OSBPL1A: variants seen among roughly 807,000 people sequenced by gnomAD.
OSBPL1A encodes the protein oxysterol-binding protein-related protein 1.
A neutral mutation model predicts 137.1 loss-of-function variants in OSBPL1A; 80 were observed. The ratio of observed to expected loss-of-function variants is 0.58; its 90% CI spans 0.49 to 0.70. The LOEUF (loss-of-function observed/expected upper bound fraction) is 0.70. Among genes scored for constraint, OSBPL1A ranks in the 30% least tolerant of loss-of-function variants. The probability of loss-of-function intolerance (pLI) is 0.00; values close to 1 mark genes in which losing one functional copy is unlikely to be tolerated. For missense variants in OSBPL1A, 970 were observed against 1,129.4 expected, an observed-to-expected ratio of 0.86 and a Z score of 2.02; for synonymous variants, 365 against 389.7, an observed-to-expected ratio of 0.94 and a Z score of 0.75.
chr18:24,356,863 C>T (rs1030282031), intron 4 of OSBPL1A, among the ~76,000 whole-genome samples: 3 of 152,180 alleles, frequency 2.0e-5, no homozygotes, highest in African/African-American at 4.8e-5. Flanking sequence ...GAGGATGACA[C>T]TGAACTTCCA....
At chr18:24,181,097 G>T (rs761780481) in intron 19 of OSBPL1A, 48 bp downstream of exon 19, 3 of 1,585,548 alleles carry the variant, frequency 1.9e-6, no homozygotes, top group South Asian at 2.3e-5. Context: ...GGGCTGGGTT[G>T]GTAGCAAGGT....
intron 15 of OSBPL1A, among the ~76,000 whole-genome samples, chr18:24,244,261 T>C (rs1035442554): frequency 3.9e-5 from 6 of 152,226 alleles, no homozygotes; most frequent in African/African-American, 1.4e-4. Flanking sequence ...TGAATATTGA[T>C]TACTAGATTT....
chr18:24,303,949 T>C (rs113245575), intron 13 of OSBPL1A, among the ~76,000 whole-genome samples: 1 of 152,168 alleles, frequency 6.6e-6, no homozygotes, highest in African/African-American at 2.4e-5. Flanking sequence ...ACATTCAACA[T>C]CTGTTGTGTA....
chr18:24,270,323 AC>A (rs1408284172), intron 15 of OSBPL1A, among the ~76,000 whole-genome samples: 8 of 152,178 alleles, frequency 5.3e-5, no homozygotes, highest in African/African-American at 1.9e-4. Flanking sequence ...TTTATAAACC[AC>A]CCTGAGTATC....
intron 15 of OSBPL1A, chr18:24,272,245 T>C: frequency 1.0e-6 from 1 of 982,386 alleles, no homozygotes; most frequent in Non-Finnish European, 1.2e-6. Flanking sequence ...ACTTTTTTTT[T>C]TTCTTTTTTC....
intron 17 of OSBPL1A, among the ~76,000 whole-genome samples, chr18:24,205,903 T>C (rs1401229058): frequency 6.6e-6 from 1 of 152,212 alleles, no homozygotes; most frequent in East Asian, 1.9e-4. Context: ...TTATTGTTGT[T>C]GTTTTGAGAC....
At chr18:24,258,404 G>C (rs1354811285) in intron 15 of OSBPL1A, among the ~76,000 whole-genome samples, 1 of 152,158 alleles carries the variant, frequency 6.6e-6, no homozygotes, top group Non-Finnish European at 1.5e-5. Context: ...TCACTTATTT[G>C]TGGGAATTAC....
At chr18:24,394,087 C>T (rs75297378) in intron 1 of OSBPL1A, among the ~76,000 whole-genome samples, 1 of 152,140 alleles carries the variant, frequency 6.6e-6, no homozygotes, top group South Asian at 2.1e-4. Flanking sequence ...ATTCATCTCC[C>T]ACAGGAGAAA....
intron 4 of OSBPL1A, among the ~76,000 whole-genome samples, chr18:24,360,236 G>C (rs2091601613): frequency 6.6e-6 from 1 of 152,216 alleles, no homozygotes; most frequent in South Asian, 2.1e-4. Flanking sequence ...CTCCCATAGT[G>C]CTGGGATTAC....
At chr18:24,272,648 C>CAA (rs1194745826) in intron 15 of OSBPL1A, among the ~76,000 whole-genome samples, 1 of 152,182 alleles carries the variant, frequency 6.6e-6, no homozygotes, top group Non-Finnish European at 1.5e-5. Flanking sequence ...CAACATGTTT[C>CAA]AAACCTTTCA....
At chr18:24,307,723 C>T (rs2090529868) in intron 13 of OSBPL1A, among the ~76,000 whole-genome samples, 1 of 152,206 alleles carries the variant, frequency 6.6e-6, no homozygotes, top group South Asian at 2.1e-4. Flanking sequence ...TCTTTATTAG[C>T]TCCACGTGGA....
At chr18:24,165,347 A>G (rs2086122984) in intron 26 of OSBPL1A, among the ~76,000 whole-genome samples, 192 bp from the exon 27 acceptor site, 1 of 152,260 alleles carries the variant, frequency 6.6e-6, no homozygotes, top group Admixed American at 6.5e-5. Context: ...CAGAGCTGGT[A>G]TCACAGACGC....
rs779372067 is a variant in OSBPL1A, at chr18:24,318,591, C to T, written c.732+10G>A. ...TACAGTTATATAATTAAAAAACCACCTCAACTTACCTTCCAGAGAGGGCCC... is the reference window on the plus strand; with the variant it reads ...TACAGTTATATAATTAAAAAACCACTTCAACTTACCTTCCAGAGAGGGCCC... On this transcript the variant is annotated intron_variant, in intron 9 of 27. Transcript: ENST00000319481. The T allele has an allele frequency of 1.4e-5, 22 of 1,602,292 alleles. No homozygotes were observed. Among genetic ancestry groups the T allele is most frequent in the African/African-American group, 4.0e-5 (3 of 74,128 alleles).
chr18:24,344,045 G>A (rs1387322520), intron 4 of OSBPL1A, among the ~76,000 whole-genome samples: 1 of 152,132 alleles, frequency 6.6e-6, no homozygotes, highest in Non-Finnish European at 1.5e-5. Flanking sequence ...TGCAAATCAT[G>A]TATCTAACAA....
intron 15 of OSBPL1A, among the ~76,000 whole-genome samples, chr18:24,246,188 G>A (rs1001501540): frequency 2.0e-5 from 3 of 151,710 alleles, no homozygotes; most frequent in Non-Finnish European, 2.9e-5. Context: ...CTCCAGCCTG[G>A]GCAACAAGAG....
chr18:24,343,778 G>A (rs2091304457), intron 4 of OSBPL1A, among the ~76,000 whole-genome samples: 1 of 152,150 alleles, frequency 6.6e-6, no homozygotes, highest in African/African-American at 2.4e-5. Flanking sequence ...GCAGGAGAAT[G>A]AAGTTAAACA....
At chr18:24,180,391 G>T (rs1359472684) in intron 19 of OSBPL1A, among the ~76,000 whole-genome samples, 1 of 151,938 alleles carries the variant, frequency 6.6e-6, no homozygotes, top group Non-Finnish European at 1.5e-5. Flanking sequence ...GCAATTCCTT[G>T]CCGTCTTTTA....
chr18:24,280,095 G>A lies in OSBPL1A; in HGVS notation c.1281+747C>T, dbSNP rs557888560. Among the ~76,000 whole-genome samples, 45 of 152,132 alleles carry A rather than the reference G, an allele frequency of 3.0e-4. No homozygotes were observed. The South Asian group carries it at 3.3e-3, about 11-fold the overall frequency. ...CCAAGTAGCTGGATTGCAGGTGTGC[G>A]CCACCACGCCTGGCTAATTTTTGTA... On this transcript the variant is annotated intron_variant, in intron 15 of 27. Coordinates refer to ENST00000319481, the MANE Select transcript of OSBPL1A (RefSeq NM_080597.4).
rs543591621 is a variant in OSBPL1A, at chr18:24,330,485, C to CTT, written c.625+2455_625+2456dup. On this transcript the variant is annotated intron_variant, in intron 7 of 27. Coordinates refer to ENST00000319481, the MANE Select transcript of OSBPL1A (RefSeq NM_080597.4). The stretch of plus-strand genomic sequence containing the variant: ...CAAAGTAAAGTATTTAGAGATAAAA[C>CTT]TTTTTTTTTTTTTTTTGAGACAGAG... Among the ~76,000 whole-genome samples the CTT allele has an allele frequency of 7.2e-3, 1,026 of 142,712 alleles. 13 individuals are homozygous for CTT. The highest frequency in any genetic ancestry group is 0.024 in the African/African-American group (959 of 39,328). 93.6% of individuals were successfully genotyped at this position (142,712 alleles called of 152,430 possible). A position where few individuals can be genotyped will look rare whatever the true frequency, so the allele number is the denominator to read the frequency against.
Sources: gnomAD v4.1 joint callset for allele counts (sites outside exome capture counted in the v4.1 genomes callset) on GRCh38, gnomAD v4.1.1 for gene constraint, MANE v1.5 for transcripts, NCBI Gene and HGNC (gene_info 2026-07-23, HGNC 2026-07-21) for gene names.